Variants in APP observed in about 807,000 individuals in gnomAD.
APP encodes the protein amyloid-beta precursor protein.
APP carries 31 observed loss-of-function variants against 101.4 expected under a neutral mutation model. The ratio of observed to expected loss-of-function variants is 0.31; its 90% CI spans 0.23 to 0.41. The LOEUF is 0.41. Ranked by LOEUF, APP falls within the 10% of genes least tolerant of loss-of-function variation. The probability of loss-of-function intolerance (pLI) is 1.00; values close to 1 mark genes in which losing one functional copy is unlikely to be tolerated. For missense variants in APP, 839 were observed against 1,003.7 expected (o/e 0.84, Z 2.22); for synonymous variants, 366 against 364.4 (o/e 1.00, Z -0.05).
rs1318947695 is a variant in APP, at chr21:25,918,658, T to C, written c.1688-6696A>G. The stretch of plus-strand genomic sequence containing the variant: ...AAATCGGGTCACTCCCACCCGAATA[T>C]TGCGCTTTTCAGACCGGCTTAAGAA... On this transcript the variant is annotated intron_variant, in intron 13 of 17. Transcript: ENST00000346798. 4.0e-5 allele frequency among the ~76,000 whole-genome samples: 6 copies of C among 151,542 alleles called. No individual in the cohort carries two copies. The East Asian group carries it at 9.8e-4, about 25-fold the overall frequency.
intron 3 of APP, among the ~76,000 whole-genome samples, chr21:26,076,364 GT>G (rs34101073): frequency 0.27 from 41,326 of 152,010 alleles, 6,816 homozygotes; most frequent in East Asian, 0.38. Context: ...ACATTAAAAA[GT>G]TTACAATTAT....
Position 26,160,297 on chromosome 21 carries a change from T to C in APP, c.57+10267A>G, listed in dbSNP as rs148326991. 6.2e-3 allele frequency among the ~76,000 whole-genome samples: 947 copies of C among 152,280 alleles called. 4 individuals are homozygous for C. Among genetic ancestry groups the C allele is most frequent in the Non-Finnish European group, 0.01 (703 of 68,032 alleles). On this transcript the variant is annotated intron_variant, in intron 1 of 17. Coordinates refer to ENST00000346798, the MANE Select transcript of APP (RefSeq NM_000484.4). ...GCAGTTCTGTAAGCTGCCTTTACAT[T>C]CAAACACCCTATGGGTTAGCCAAGA...
chr21:26,049,808 T>C lies in APP; in HGVS notation c.662+1192A>G, dbSNP rs955715443. On this transcript the variant is annotated intron_variant, in intron 5 of 17. Coordinates refer to ENST00000346798, the MANE Select transcript of APP (RefSeq NM_000484.4). Reference sequence around the variant, plus strand: ...AGGATAATGGACTAAAAGCCTGAACTGGGGAGGTGATTATGAGGGAAGATC... The same window carrying C: ...AGGATAATGGACTAAAAGCCTGAACCGGGGAGGTGATTATGAGGGAAGATC... 4.6e-5 allele frequency among the ~76,000 whole-genome samples: 7 copies of C among 152,034 alleles called. 1 individual carries two copies. Among genetic ancestry groups the C allele is most frequent in the Admixed American group, 1.3e-4 (2 of 15,264 alleles).
intron 13 of APP, among the ~76,000 whole-genome samples, chr21:25,947,092 T>C (rs2040857271): frequency 6.6e-6 from 1 of 152,166 alleles, no homozygotes; most frequent in Non-Finnish European, 1.5e-5. Flanking sequence ...TTGCCAATGG[T>C]AAAACTATAA....
In APP at chr21:25,900,378, CAAAAAAAAAAAAAAA is replaced by C. The variant is rs60231150; in HGVS notation, c.1964-2720_1964-2706del. Among the ~76,000 whole-genome samples, 155 of 59,460 alleles carry C rather than the reference CAAAAAAAAAAAAAAA, an allele frequency of 2.6e-3. 3 individuals are homozygous for C. The South Asian group carries it at 0.11, about 43-fold the overall frequency. The allele number at this position is 59,460 out of a possible 152,430, so 39.0% of individuals were successfully genotyped here. On this transcript the variant is annotated intron_variant, in intron 15 of 17. Coordinates refer to ENST00000346798, the MANE Select transcript of APP (RefSeq NM_000484.4). ...TGAAACCCTGTCTCTACTAAAAATA[CAAAAAAAAAAAAAAA>C]AAAAAAAAAAAAAAAATTAGCCAGG...
chr21:26,064,642 T>C (rs897307496), intron 3 of APP, among the ~76,000 whole-genome samples: 3 of 152,090 alleles, frequency 2.0e-5, no homozygotes, highest in Admixed American at 6.5e-5. Flanking sequence ...GCAAAAGGCA[T>C]GTGGTCTCTA....
At chr21:25,909,361 G>C (rs1193227299) in intron 14 of APP, among the ~76,000 whole-genome samples, 1 of 151,288 alleles carries the variant, frequency 6.6e-6, no homozygotes, top group East Asian at 1.9e-4. Flanking sequence ...TGATAATGAA[G>C]AGTACTGCAA....
At chr21:26,140,345 C>A in intron 1 of APP, 1 of 1,510,794 alleles carries the variant, frequency 6.6e-7, no homozygotes, top group African/African-American at 1.4e-5. Flanking sequence ...AACAGCATGT[C>A]AACACTAACC....
At chr21:26,159,950 G>A (rs762053124) in intron 1 of APP, among the ~76,000 whole-genome samples, 2 of 152,136 alleles carry the variant, frequency 1.3e-5, no homozygotes, top group African/African-American at 2.4e-5. Flanking sequence ...AACAAGGAAA[G>A]TCAGCCTCCA....
chr21:26,143,323 G>A (rs2063087148), intron 1 of APP, among the ~76,000 whole-genome samples: 2 of 152,122 alleles, frequency 1.3e-5, no homozygotes, highest in African/African-American at 4.8e-5. Flanking sequence ...TAATAATGAT[G>A]ATGAAGTTTT....
At chr21:25,982,062 A>C (rs2042453651) in intron 9 of APP, among the ~76,000 whole-genome samples, 1 of 152,232 alleles carries the variant, frequency 6.6e-6, no homozygotes, top group African/African-American at 2.4e-5. Flanking sequence ...ACATATACAC[A>C]GAATAATAAT....
At position 25,898,572 on chromosome 21, in the gene APP, C is replaced by T. The variant is rs570712715; in HGVS notation, c.1964-899G>A. Among the ~76,000 whole-genome samples, 34 of 152,312 alleles carry T rather than the reference C, an allele frequency of 2.2e-4. 1 individual carries two copies. In the South Asian group the frequency reaches 5.8e-3, roughly 26 times the overall value. ...CCCACCCAGGGGCAGATTGTCAGTT[C>T]CTGTTTGAACATAGAGGAATGTATC... On this transcript the variant is annotated intron_variant, in intron 15 of 17. Transcript: ENST00000346798.
At chr21:26,053,179 A>T in intron 4 of APP, 57 bp downstream of exon 4, 1 of 1,299,518 alleles carries the variant, frequency 7.7e-7, no homozygotes, top group Non-Finnish European at 1.1e-6. Context: ...AAATGCCATT[A>T]AGCACGTCCC....
chr21:26,036,426 T>C (rs1403140358), intron 5 of APP, among the ~76,000 whole-genome samples: 1 of 152,102 alleles, frequency 6.6e-6, no homozygotes, highest in Admixed American at 6.5e-5. Context: ...CTTACTAATC[T>C]TAAGGTGATT....
chr21:26,071,921 C>A (rs148148306), intron 3 of APP, among the ~76,000 whole-genome samples: 5 of 152,212 alleles, frequency 3.3e-5, no homozygotes, highest in Non-Finnish European at 7.3e-5. Flanking sequence ...TCTTGAGGGA[C>A]CCCCTCCCCA....
chr21:25,961,083 G>C (rs868682503), intron 11 of APP, among the ~76,000 whole-genome samples: 1 of 152,150 alleles, frequency 6.6e-6, no homozygotes, highest in African/African-American at 2.4e-5. Context: ...AAGTCTAGCT[G>C]GGAACTGCTT....
chr21:26,053,574 C>A, intron 3 of APP: 1 of 436,582 alleles, frequency 2.3e-6, no homozygotes, highest in Non-Finnish European at 4.2e-6. Context: ...CTAAATGCTG[C>A]AAGTGAAATT....
Position 26,084,349 on chromosome 21 carries a change from C to T in APP, c.355+5594G>A, listed in dbSNP as rs1347904629. ...CGCCTCCCGGGTTCACGCCATTCTC[C>T]TGCCTCAGCCTCCCGAGTAGCTGGG... On this transcript the variant is annotated intron_variant, in intron 3 of 17. Coordinates refer to ENST00000346798, the MANE Select transcript of APP (RefSeq NM_000484.4). 1.4e-4 allele frequency among the ~76,000 whole-genome samples: 21 copies of T among 149,906 alleles called. 1 individual carries two copies. The highest frequency in any genetic ancestry group is 2.7e-4 in the Non-Finnish European group (18 of 67,696).
chr21:25,999,420 T>C (rs1252446344), intron 7 of APP, among the ~76,000 whole-genome samples: 2 of 152,220 alleles, frequency 1.3e-5, no homozygotes, highest in African/African-American at 2.4e-5. Flanking sequence ...AATGTCTGTG[T>C]GCTGAGCTCG....
Sources: allele counts gnomAD v4.1 joint callset (sites outside exome capture counted in the v4.1 genomes callset), GRCh38; gene constraint gnomAD v4.1.1; transcripts MANE v1.5; gene names NCBI Gene and HGNC (gene_info 2026-07-23, HGNC 2026-07-21).